The following POLR1B variants were observed in gnomAD, a reference collection of about 807,000 sequenced individuals.
The protein encoded by POLR1B is RNA polymerase I subunit B.
A neutral mutation model predicts 105.8 loss-of-function variants in POLR1B; 30 were observed. The ratio of observed to expected loss-of-function variants is 0.28; its 90% CI spans 0.21 to 0.38. The LOEUF is 0.38. POLR1B is among the 10% of genes least tolerant of loss of function. The probability of loss-of-function intolerance (pLI) is 1.00; values close to 1 mark genes in which losing one functional copy is unlikely to be tolerated. For synonymous variants in POLR1B, 485 were observed against 505.1 expected (o/e 0.96, Z 0.53); for missense variants, 976 against 1,435.8 (o/e 0.68, Z 5.17).
At chr2:112,549,557 G>A (rs982618940) in intron 4 of POLR1B, among the ~76,000 whole-genome samples, 158 bp downstream of exon 4, 2 of 139,840 alleles carry the variant, frequency 1.4e-5, no homozygotes, top group African/African-American at 5.4e-5. Flanking sequence ...GGCTGATCTC[G>A]AACTCTTGGG....
At chr2:112,548,139 CT>C (rs1683157914) in intron 3 of POLR1B, 1 of 152,282 alleles carries the variant, frequency 6.6e-6, no homozygotes, top group Non-Finnish European at 1.5e-5. Context: ...TTCATCATTT[CT>C]TTCAGCTATA....
upstream of POLR1B, chr2:112,542,189 G>T (rs1682782351): frequency 6.5e-7 from 1 of 1,535,740 alleles, no homozygotes; most frequent in African/African-American, 1.4e-5. Flanking sequence ...ACTGGGCGGG[G>T]AGCGGGTTTC....
intron 10 of POLR1B, among the ~76,000 whole-genome samples, chr2:112,566,124 G>A (rs1417321360): frequency 6.6e-6 from 1 of 152,102 alleles, no homozygotes; most frequent in East Asian, 1.9e-4. Context: ...GAAGTGCTGG[G>A]AATCACAGCT....
chr2:112,545,091 C>T (rs923175510), intron 1 of POLR1B, among the ~76,000 whole-genome samples: 1 of 152,240 alleles, frequency 6.6e-6, no homozygotes. Context: ...GTGTTTTGTG[C>T]TTTTTGTTGG....
At chr2:112,544,615 T>C (rs1338455980) in intron 1 of POLR1B, among the ~76,000 whole-genome samples, 1 of 152,194 alleles carries the variant, frequency 6.6e-6, no homozygotes, top group Admixed American at 6.5e-5. Flanking sequence ...ATAATTGTTT[T>C]GGTTGAAGTA....
Position 112,547,028 on chromosome 2 carries a change from A to G in POLR1B, c.194A>G (p.Glu65Gly). The part of the protein sequence containing the change: ...GLAVQAIPPF[E>G]FAFKDERISF... ...GCATTTCAGGCTATACCTCCCTTTG[A>G]ATTTGCTTTCAAAGATGAGCGTATC... The change falls in exon 2 of 15, where the codon GAA (glutamate) becomes GGA (glycine). Residue 65 changes from glutamate to glycine, a missense_variant. By Grantham distance (98) the Glu-to-Gly change is moderately conservative. Around this residue, in one of 12 missense-constraint regions of POLR1B, gnomAD observed 452 missense variants for 616.5 expected, o/e 0.73. Coordinates refer to ENST00000263331, the MANE Select transcript of POLR1B (RefSeq NM_019014.6). 5 of 1,614,104 alleles carry G rather than the reference A, an allele frequency of 3.1e-6. No homozygotes were observed. The highest frequency in any genetic ancestry group is 4.2e-6 in the Non-Finnish European group (5 of 1,180,016).
intron 6 of POLR1B, 140 bp downstream of exon 6, chr2:112,552,138 G>T (rs986131241): frequency 1.7e-6 from 1 of 593,964 alleles, no homozygotes; most frequent in South Asian, 3.1e-5. Context: ...TGCTAGCCGG[G>T]GGCTACCTTT....
chr2:112,552,049 G>A, intron 6 of POLR1B, 51 bp downstream of exon 6: 1 of 1,473,274 alleles, frequency 6.8e-7, no homozygotes. Flanking sequence ...GGCTGTCAGT[G>A]GTTCTTTGTA....
At chr2:112,569,839 G>A (rs1270690131) in intron 12 of POLR1B, among the ~76,000 whole-genome samples, 4 of 151,852 alleles carry the variant, frequency 2.6e-5, no homozygotes, top group East Asian at 1.9e-4. Context: ...TATTACAGGC[G>A]TGAGCCACTG....
In POLR1B at chr2:112,577,386, A is replaced by G. The variant is rs995200795; in HGVS notation, c.*1657A>G. Among the ~76,000 whole-genome samples the G allele has an allele frequency of 6.6e-5, 10 of 152,190 alleles. No homozygotes were observed. Among genetic ancestry groups the G allele is most frequent in the Non-Finnish European group, 1.5e-4 (10 of 68,030 alleles). On this transcript the variant is annotated 3_prime_UTR_variant, in exon 15 of 15. Coordinates refer to ENST00000263331, the MANE Select transcript of POLR1B (RefSeq NM_019014.6). Reference sequence around the variant, plus strand: ...ACTTCATCTCTACAAAAAAAGCAACAACGACAAAAAAAATTAGCCAAGCAT... The same window carrying G: ...ACTTCATCTCTACAAAAAAAGCAACGACGACAAAAAAAATTAGCCAAGCAT...
Position 112,579,786 on chromosome 2 carries a change from A to G in POLR1B, c.*4057A>G, listed in dbSNP as rs1355208096. 1.3e-5 allele frequency among the ~76,000 whole-genome samples: 2 copies of G among 152,192 alleles called. No individual in the cohort carries two copies. Among genetic ancestry groups the G allele is most frequent in the Non-Finnish European group, 2.9e-5 (2 of 68,032 alleles). On this transcript the variant is annotated 3_prime_UTR_variant, in exon 15 of 15. Transcript: ENST00000263331. Reference sequence around the variant, plus strand: ...TACTGTTGAATTTCAAGACTTCATTATATATTCCAGATATAAAGCCTTTGT... The same window carrying G: ...TACTGTTGAATTTCAAGACTTCATTGTATATTCCAGATATAAAGCCTTTGT...
chr2:112,542,226 G>T, upstream of POLR1B: 1 of 1,535,708 alleles, frequency 6.5e-7, no homozygotes, highest in East Asian at 2.4e-5. Flanking sequence ...CGCGAGCGGG[G>T]AGATGAGTGG....
At chr2:112,562,733 T>A (rs932419903) in intron 9 of POLR1B, among the ~76,000 whole-genome samples, 1 of 143,312 alleles carries the variant, frequency 7.0e-6, no homozygotes, top group Admixed American at 6.8e-5. Context: ...TTTTTCTTTT[T>A]TTTTTTTTTT....
At chr2:112,565,305 CAGTTGCTA>C (rs1027114842) in intron 10 of POLR1B, among the ~76,000 whole-genome samples, 1 of 152,176 alleles carries the variant, frequency 6.6e-6, no homozygotes, top group Non-Finnish European at 1.5e-5. Context: ...CCAAATCCAC[CAGTTGCTA>C]TGCTTTGCCC....
Position 112,559,539 on chromosome 2 carries a change from A to G in POLR1B, c.1577A>G (p.Tyr526Cys). The change falls in exon 9 of 15, where the codon TAT (tyrosine) becomes TGT (cysteine). Residue 526 changes from tyrosine to cysteine, a missense_variant. Physicochemically the swap from Tyr to Cys is radical, Grantham distance 194. This residue lies in a region of POLR1B where 184 missense variants were observed against 197.4 expected (regional missense o/e 0.93). Coordinates refer to ENST00000263331, the MANE Select transcript of POLR1B (RefSeq NM_019014.6). ...AVCEVVTQFVYTASIPALLCN... is the reference protein window; with the variant it reads ...AVCEVVTQFVCTASIPALLCN... ...TGTGAGGTTGTCACACAGTTTGTGT[A>G]TACGGCATCTATTCCAGCTTTACTG... The G allele has an allele frequency of 6.2e-7, 1 of 1,614,236 alleles. No individual in the cohort carries two copies.
chr2:112,554,973 G>A (rs1246785410), intron 7 of POLR1B, among the ~76,000 whole-genome samples: 2 of 152,166 alleles, frequency 1.3e-5, no homozygotes, highest in Non-Finnish European at 2.9e-5. Flanking sequence ...CTGATCTCAG[G>A]AGTTCAAGAC....
intron 4 of POLR1B, among the ~76,000 whole-genome samples, chr2:112,549,646 T>C (rs1245347930): frequency 6.6e-6 from 1 of 151,976 alleles, no homozygotes; most frequent in Non-Finnish European, 1.5e-5. Context: ...CTTTCTTTTG[T>C]TTTTTGTTGT....
Position 112,575,517 on chromosome 2 carries a change from G to T in POLR1B, c.3196G>T (p.Val1066Leu). The change falls in exon 15 of 15, where the codon GTA (valine) becomes TTA (leucine). Residue 1066 changes from valine to leucine, a missense_variant. By Grantham distance (32) the Val-to-Leu change is conservative. Around this residue, in one of 12 missense-constraint regions of POLR1B, gnomAD observed 77 missense variants for 104.5 expected, o/e 0.74. Coordinates refer to ENST00000263331, the MANE Select transcript of POLR1B (RefSeq NM_019014.6). This position sits in a 1 kb window ranked among gnomAD's most constrained non-coding sequence, Gnocchi z 5.3. ...DRLFNCSDRS[V>L]AHVCVKCGSL... Reference sequence around the variant, plus strand: ...CCTCTTCAACTGCTCAGATCGGTCGGTAGCCCATGTGTGTGTGAAGTGTGG... The same window carrying T: ...CCTCTTCAACTGCTCAGATCGGTCGTTAGCCCATGTGTGTGTGAAGTGTGG... The T allele has an allele frequency of 6.2e-7, 1 of 1,614,148 alleles. No individual in the cohort carries two copies. The highest frequency in any genetic ancestry group is 1.7e-4 in the Middle Eastern group (1 of 6,060).
rs1156344024 is a variant in POLR1B, at chr2:112,557,791, G to T, written c.1159-119G>T. 9 of 220,630 alleles carry T rather than the reference G, an allele frequency of 4.1e-5. No homozygotes were observed. The East Asian group carries it at 1.1e-3, about 28-fold the overall frequency. The allele number at this position is 220,630 out of a possible 1,614,324, so 13.7% of individuals were successfully genotyped here. A position where few individuals can be genotyped will look rare whatever the true frequency, so the allele number is the denominator to read the frequency against. ...AGACAGGGTTTTGTTTCACCATTTTGCCCAGTCTCATGTTGAACTCTTGGT... is the reference window on the plus strand; with the variant it reads ...AGACAGGGTTTTGTTTCACCATTTTTCCCAGTCTCATGTTGAACTCTTGGT... On this transcript the variant is annotated intron_variant, in intron 7 of 14. Transcript: ENST00000263331.
Sources: allele counts gnomAD v4.1 joint callset (sites outside exome capture counted in the v4.1 genomes callset), GRCh38; gene constraint gnomAD v4.1.1; regional missense constraint gnomAD v4.1.1; non-coding constraint Gnocchi (gnomAD v3.1); transcripts MANE v1.5; gene names NCBI Gene and HGNC (gene_info 2026-07-23, HGNC 2026-07-21).